PRDM16: variants seen among roughly 807,000 people sequenced by gnomAD.
PRDM16 encodes PR/SET domain 16, also known as histone-lysine N-methyltransferase PRDM16.
Under a neutral mutation model 110.6 loss-of-function variants are expected in PRDM16, and 23 were observed. The observed-to-expected ratio is 0.21, with a 90% confidence interval of 0.15 to 0.29. The LOEUF (loss-of-function observed/expected upper bound fraction) is 0.29, where lower values mean the gene tolerates loss of function less well. PRDM16 is among the 10% of genes least tolerant of loss of function. The probability of loss-of-function intolerance (pLI) is 1.00; values close to 1 mark genes in which losing one functional copy is unlikely to be tolerated. For synonymous variants in PRDM16, 799 were observed against 781.8 expected (o/e 1.02, Z -0.37); for missense variants, 1,615 against 1,794.3 (o/e 0.90, Z 1.81).
At chr1:3,153,337 T>C (rs1442729014) in intron 1 of PRDM16, among the ~76,000 whole-genome samples, 3 of 152,172 alleles carry the variant, frequency 2.0e-5, no homozygotes, top group African/African-American at 7.2e-5. Flanking sequence ...GGTGTGCACA[T>C]GTGTGTGCTT....
chr1:3,142,724 AC>A lies in PRDM16; in HGVS notation c.38-43399del, dbSNP rs578209196. On this transcript the variant is annotated intron_variant, in intron 1 of 16. Coordinates refer to ENST00000270722, the MANE Select transcript of PRDM16 (RefSeq NM_022114.4). ...AGAGCGGGTAATTACCTGGATGTGG[AC>A]CGTATTAACTGGAAGCCCAGATGTT... is the stretch of plus-strand genomic sequence containing the variant. Among the ~76,000 whole-genome samples, 31 of 151,476 alleles carry A rather than the reference AC, an allele frequency of 2.0e-4. No individual in the cohort carries two copies. In the East Asian group the frequency reaches 5.9e-3, roughly 29 times the overall value.
Position 3,140,341 on chromosome 1 carries a change from G to A in PRDM16, c.38-45784G>A, listed in dbSNP as rs528165519. 3.9e-5 allele frequency among the ~76,000 whole-genome samples: 6 copies of A among 152,292 alleles called. 1 individual carries two copies. The South Asian group carries it at 1.2e-3, about 32-fold the overall frequency. On this transcript the variant is annotated intron_variant, in intron 1 of 16. Coordinates refer to ENST00000270722, the MANE Select transcript of PRDM16 (RefSeq NM_022114.4). ...TCTGCACTGTAGCCTTCTGAGCCGA[G>A]ATGTGGCTACGGGGGTCTCACATAG...
intron 1 of PRDM16, among the ~76,000 whole-genome samples, chr1:3,088,320 GC>G (rs1431090933): frequency 6.6e-6 from 1 of 151,696 alleles, no homozygotes; most frequent in Non-Finnish European, 1.5e-5. Context: ...TCCTCAAACC[GC>G]CTTTCCCTTC....
intron 8 of PRDM16, among the ~76,000 whole-genome samples, chr1:3,411,153 GCA>G (rs1251789404): frequency 1.3e-5 from 2 of 152,060 alleles, no homozygotes; most frequent in Admixed American, 1.3e-4. Context: ...GGACACTTAC[GCA>G]CACAGACACA....
intron 1 of PRDM16, among the ~76,000 whole-genome samples, chr1:3,170,922 G>A (rs1240869686): frequency 6.6e-6 from 1 of 152,276 alleles, no homozygotes; most frequent in Non-Finnish European, 1.5e-5. Flanking sequence ...GTGTGTTTCA[G>A]CTCCCAGAGC....
intron 3 of PRDM16, among the ~76,000 whole-genome samples, chr1:3,300,469 C>A (rs1488363690): frequency 1.3e-5 from 2 of 148,422 alleles, no homozygotes; most frequent in African/African-American, 5.0e-5. Flanking sequence ...GTGATGTTTC[C>A]AATCCCAGTC....
chr1:3,117,748 C>T (rs1024695553), intron 1 of PRDM16, among the ~76,000 whole-genome samples: 1 of 152,106 alleles, frequency 6.6e-6, no homozygotes, highest in African/African-American at 2.4e-5. Context: ...AGGCCCGGGC[C>T]CGCCTTGTCC....
At chr1:3,179,148 C>T (rs1302698400) in intron 1 of PRDM16, among the ~76,000 whole-genome samples, 3 of 152,258 alleles carry the variant, frequency 2.0e-5, no homozygotes, top group Non-Finnish European at 2.9e-5. Flanking sequence ...GCCCACCACA[C>T]ATATTCTCTC....
intron 3 of PRDM16, among the ~76,000 whole-genome samples, chr1:3,292,225 G>A (rs893480732): frequency 5.9e-5 from 9 of 152,322 alleles, no homozygotes; most frequent in Non-Finnish European, 8.8e-5. Flanking sequence ...GGAACCTGCC[G>A]TGGCCCGGCC....
intron 1 of PRDM16, among the ~76,000 whole-genome samples, chr1:3,112,392 C>CTAGTCAT (rs1642815935): frequency 6.6e-6 from 1 of 152,212 alleles, no homozygotes; most frequent in East Asian, 1.9e-4. Flanking sequence ...TCGCTTCTCT[C>CTAGTCAT]TAGTCATAAG....
At chr1:3,389,798 TG>T (rs1389245018) in intron 4 of PRDM16, among the ~76,000 whole-genome samples, 1 of 152,156 alleles carries the variant, frequency 6.6e-6, no homozygotes, top group African/African-American at 2.4e-5. Flanking sequence ...GCCTTTCCCC[TG>T]GGACTTTCGG....
chr1:3,332,084 C>T (rs1642052727), intron 3 of PRDM16, among the ~76,000 whole-genome samples: 1 of 152,250 alleles, frequency 6.6e-6, no homozygotes, highest in Non-Finnish European at 1.5e-5. Context: ...TCCCCCACCT[C>T]TGTCTGGCCA....
chr1:3,382,214 C>T lies in PRDM16; in HGVS notation c.439-2938C>T, dbSNP rs1378144798. 1.3e-5 allele frequency among the ~76,000 whole-genome samples: 2 copies of T among 152,318 alleles called. No homozygotes were observed. The highest frequency in any genetic ancestry group is 1.3e-4 in the Admixed American group (2 of 15,306). ...ACCCTAGAGGATGGGAAGCCTGCCT[C>T]CCTAGTGACAACCAGCCGCTTGTGG... is the stretch of plus-strand genomic sequence containing the variant. On this transcript the variant is annotated intron_variant, in intron 3 of 16. Transcript: ENST00000270722. The surrounding 1 kb of genome is among the most constrained non-coding windows in gnomAD (Gnocchi z 6.6).
At chr1:3,300,468 C>A (rs1641184364) in intron 3 of PRDM16, among the ~76,000 whole-genome samples, 1 of 151,512 alleles carries the variant, frequency 6.6e-6, no homozygotes, top group South Asian at 2.1e-4. Flanking sequence ...CGTGATGTTT[C>A]CAATCCCAGT....
chr1:3,173,773 C>G (rs114106344), intron 1 of PRDM16, among the ~76,000 whole-genome samples: 7,964 of 152,252 alleles, frequency 0.052, 223 homozygotes, highest in Admixed American at 0.072. Context: ...TCCAGGCTGT[C>G]ATGGGGCCGA....
intron 3 of PRDM16, among the ~76,000 whole-genome samples, chr1:3,259,192 C>G (rs1640111125): frequency 6.6e-6 from 1 of 152,176 alleles, no homozygotes; most frequent in Non-Finnish European, 1.5e-5. Context: ...TCACACCGGC[C>G]CAAGGGGAGG....
At chr1:3,268,508 G>A (rs528060188) in intron 3 of PRDM16, among the ~76,000 whole-genome samples, 7 of 152,280 alleles carry the variant, frequency 4.6e-5, no homozygotes, top group African/African-American at 1.2e-4. Flanking sequence ...TGCGAGGGGC[G>A]AGGCTCATGG....
chr1:3,404,502 G>C (rs1643526504), intron 6 of PRDM16, among the ~76,000 whole-genome samples: 1 of 152,250 alleles, frequency 6.6e-6, no homozygotes, highest in Non-Finnish European at 1.5e-5. Flanking sequence ...CTTGGGTGAG[G>C]GATGGAACCA....
intron 3 of PRDM16, among the ~76,000 whole-genome samples, chr1:3,296,570 G>T (rs1641094466): frequency 6.6e-6 from 1 of 152,246 alleles, no homozygotes; most frequent in Non-Finnish European, 1.5e-5. Flanking sequence ...GCCAGGAGTG[G>T]CTTCCAACAG....
Sources: gnomAD v4.1 joint callset for allele counts (sites outside exome capture counted in the v4.1 genomes callset) on GRCh38, gnomAD v4.1.1 for gene constraint, Gnocchi (gnomAD v3.1) non-coding constraint, MANE v1.5 for transcripts, NCBI Gene and HGNC (gene_info 2026-07-23, HGNC 2026-07-21) for gene names.